Variants in RSU1 observed in about 807,000 individuals in gnomAD.
RSU1 encodes rsu-1.
A neutral mutation model predicts 31.1 loss-of-function variants in RSU1; 26 were observed. That is an observed-to-expected ratio of 0.84 (90% CI 0.61 to 1.16). The LOEUF is 1.16. Ranked by LOEUF, RSU1 falls within the 50% of genes most tolerant of loss-of-function variation. The pLI is 0.00. For missense variants in RSU1, 320 were observed against 339.1 expected (o/e 0.94, Z 0.44); for synonymous variants, 164 against 136.3 (o/e 1.20, Z -1.41).
intron 8 of RSU1, among the ~76,000 whole-genome samples, chr10:16,595,751 G>A (rs1473464495): frequency 6.6e-6 from 1 of 152,040 alleles, no homozygotes; most frequent in Non-Finnish European, 1.5e-5. Flanking sequence ...GGCAGATCAC[G>A]AGGTCAAGAG....
chr10:16,729,572 G>A (rs537317129), intron 7 of RSU1, among the ~76,000 whole-genome samples: 5 of 152,204 alleles, frequency 3.3e-5, no homozygotes, highest in Admixed American at 2.0e-4. Flanking sequence ...CCCCGTCTTC[G>A]CTACTCCTTG....
In RSU1 at chr10:16,623,682, A is replaced by G. The variant is rs57335266; in HGVS notation, c.732-30186T>C. ...CCGTGTTCTCTGCAGCCTCGCCAGC[A>G]TGTTGTTTTTTGACATTTTAATAAC... On this transcript the variant is annotated intron_variant, in intron 8 of 8. Coordinates refer to ENST00000345264, the MANE Select transcript of RSU1 (RefSeq NM_012425.4). Among the ~76,000 whole-genome samples, 78 of 152,240 alleles carry G rather than the reference A, an allele frequency of 5.1e-4. 2 individuals are homozygous for G. In the East Asian group the frequency reaches 0.015, roughly 29 times the overall value.
At chr10:16,683,015 G>A (rs1331224564) in intron 8 of RSU1, among the ~76,000 whole-genome samples, 1 of 152,144 alleles carries the variant, frequency 6.6e-6, no homozygotes, top group Non-Finnish European at 1.5e-5. Flanking sequence ...ATTCAAAGCA[G>A]CTTTTGTTTT....
chr10:16,767,430 TA>T (rs1292796207), intron 3 of RSU1: 2 of 152,212 alleles, frequency 1.3e-5, no homozygotes, highest in Non-Finnish European at 2.9e-5. Flanking sequence ...CAAATTATGC[TA>T]AATGTGATTT....
chr10:16,617,183 C>T lies in RSU1; in HGVS notation c.732-23687G>A, dbSNP rs1466101337. On this transcript the variant is annotated intron_variant, in intron 8 of 8. Transcript: ENST00000345264. ...TGCAAAAATCACAAGCATTCCTATA[C>T]ACTAATAATAGATAAGCAGAGAGTG... is the stretch of plus-strand genomic sequence containing the variant. 3.3e-5 allele frequency among the ~76,000 whole-genome samples: 5 copies of T among 152,182 alleles called. No homozygotes were observed. In the East Asian group the frequency reaches 9.6e-4, roughly 29 times the overall value.
At chr10:16,652,751 C>T (rs1053222173) in intron 8 of RSU1, among the ~76,000 whole-genome samples, 4 of 152,048 alleles carry the variant, frequency 2.6e-5, no homozygotes, top group Admixed American at 1.3e-4. Flanking sequence ...GGTGTGATCA[C>T]GGCTCACTGC....
intron 4 of RSU1, among the ~76,000 whole-genome samples, chr10:16,756,180 G>A (rs1397649543): frequency 6.6e-6 from 1 of 152,100 alleles, no homozygotes; most frequent in African/African-American, 2.4e-5. Flanking sequence ...GCCAGGGGCT[G>A]GAGGGAGGGG....
intron 7 of RSU1, among the ~76,000 whole-genome samples, chr10:16,699,342 G>A (rs1251115097): frequency 6.6e-6 from 1 of 152,188 alleles, no homozygotes; most frequent in Non-Finnish European, 1.5e-5. Context: ...CACCAGTTGG[G>A]GATGAAGCAA....
intron 8 of RSU1, among the ~76,000 whole-genome samples, chr10:16,650,562 G>A (rs1485018622): frequency 6.7e-6 from 1 of 149,314 alleles, no homozygotes; most frequent in Non-Finnish European, 1.5e-5. Context: ...GCACTAATAA[G>A]GAGTCCTGAA....
intron 2 of RSU1, among the ~76,000 whole-genome samples, chr10:16,784,191 C>T (rs1837719339): frequency 6.6e-6 from 1 of 151,994 alleles, no homozygotes; most frequent in African/African-American, 2.4e-5. Flanking sequence ...AAGCAATCCC[C>T]CCACCTCAGA....
intron 7 of RSU1, among the ~76,000 whole-genome samples, chr10:16,751,603 A>G (rs1836982722): frequency 6.6e-6 from 1 of 152,194 alleles, no homozygotes; most frequent in Admixed American, 6.5e-5. Context: ...CTGAGCACCT[A>G]CTGTACCCGA....
chr10:16,769,219 C>G (rs1238668018), intron 3 of RSU1, among the ~76,000 whole-genome samples: 1 of 152,192 alleles, frequency 6.6e-6, no homozygotes, highest in African/African-American at 2.4e-5. Context: ...ATTAATAATT[C>G]CACAACCAAC....
chr10:16,678,359 T>C (rs1009895639), intron 8 of RSU1, among the ~76,000 whole-genome samples: 5 of 152,374 alleles, frequency 3.3e-5, no homozygotes, highest in Middle Eastern at 3.4e-3. Context: ...GATTTCACAA[T>C]GCTTCAGCCA....
intron 2 of RSU1, among the ~76,000 whole-genome samples, chr10:16,814,466 A>AG (rs1383592602): frequency 6.9e-6 from 1 of 145,752 alleles, no homozygotes; most frequent in South Asian, 2.1e-4. Flanking sequence ...AAAAAAAAAA[A>AG]AAGAAAAAAA....
chr10:16,633,808 AGCAGAGG>A (rs1834297153), intron 8 of RSU1, among the ~76,000 whole-genome samples: 1 of 152,146 alleles, frequency 6.6e-6, no homozygotes, highest in African/African-American at 2.4e-5. Flanking sequence ...GGCAGTGACA[AGCAGAGG>A]GCATTTGTCC....
At chr10:16,752,867 C>A (rs1246760103) in intron 6 of RSU1, 51 bp downstream of exon 6, 1 of 1,509,126 alleles carries the variant, frequency 6.6e-7, no homozygotes. Flanking sequence ...TCTACCCCTA[C>A]AAGGCTGCAG....
chr10:16,695,730 TTC>T (rs1378454749), intron 7 of RSU1, among the ~76,000 whole-genome samples: 6 of 152,194 alleles, frequency 3.9e-5, no homozygotes, highest in African/African-American at 1.4e-4. Flanking sequence ...CCTCATTTCA[TTC>T]TCCAGCAATC....
chr10:16,707,101 T>C (rs566050130), intron 7 of RSU1, among the ~76,000 whole-genome samples: 1 of 152,360 alleles, frequency 6.6e-6, no homozygotes, highest in African/African-American at 2.4e-5. Context: ...GGCTGAATAA[T>C]ATTCCATTAT....
intron 8 of RSU1, among the ~76,000 whole-genome samples, chr10:16,634,002 T>A (rs1834302559): frequency 6.6e-6 from 1 of 152,198 alleles, no homozygotes; most frequent in Non-Finnish European, 1.5e-5. Flanking sequence ...GTGCACGATC[T>A]CACACTGACG....
Sources: allele counts gnomAD v4.1 joint callset (sites outside exome capture counted in the v4.1 genomes callset), GRCh38; gene constraint gnomAD v4.1.1; transcripts MANE v1.5; gene names NCBI Gene and HGNC (gene_info 2026-07-23, HGNC 2026-07-21).